Variants in GSAP observed in about 807,000 individuals in gnomAD.
GSAP encodes gamma-secretase-activating protein.
Under a neutral mutation model 131.7 loss-of-function variants are expected in GSAP, and 118 were observed. That is an observed-to-expected ratio of 0.90 (90% CI 0.77 to 1.04). The LOEUF (loss-of-function observed/expected upper bound fraction) is 1.04. Ranked by LOEUF, GSAP falls within the 50% of genes least tolerant of loss-of-function variation. GSAP has a pLI of 0.00. For missense variants in GSAP, 1,019 were observed against 1,013.2 expected (o/e 1.01, Z -0.08); for synonymous variants, 381 against 363.4 (o/e 1.05, Z -0.55).
intron 12 of GSAP, among the ~76,000 whole-genome samples, chr7:77,365,206 C>T (rs1433104460): frequency 6.6e-6 from 1 of 152,124 alleles, no homozygotes; most frequent in African/African-American, 2.4e-5. Flanking sequence ...ACTTTGGCCT[C>T]CCAAAGAGCT....
chr7:77,324,826 CTTTT>C (rs150930764), intron 23 of GSAP, among the ~76,000 whole-genome samples: 16 of 97,312 alleles, frequency 1.6e-4, no homozygotes, highest in Non-Finnish European at 2.7e-4. Flanking sequence ...GTTTGCCATA[CTTTT>C]TTTTTTTTTT....
Position 77,312,184 on chromosome 7 carries a change from A to G in GSAP, c.2290T>C (p.Cys764Arg). The G allele has an allele frequency of 6.3e-7, 1 of 1,596,106 alleles. No individual in the cohort carries two copies. The highest frequency in any genetic ancestry group is 1.1e-5 in the South Asian group (1 of 87,842). ...RLPPLIGQKI[C>R]RLWDHPMSSN... ...CTCATAGGATGATCCCAAAGTCTAC[A>G]AATCTTCTGCCCAATAAGCTATTAT... Residue 764 changes from cysteine to arginine, a missense_variant, in exon 29 of 31, where the codon TGT becomes CGT. Cys to Arg is a radical substitution (Grantham distance 180). Transcript: ENST00000257626.
Position 77,311,848 on chromosome 7 carries a change from G to T in GSAP, c.2466C>A (p.Ser822=). 6.7e-7 allele frequency: 1 copy of T among 1,482,800 alleles called. No individual in the cohort carries two copies. The highest frequency in any genetic ancestry group is 9.4e-7 in the Non-Finnish European group (1 of 1,060,404). 91.9% of individuals were successfully genotyped at this position (1,482,800 alleles called of 1,614,324 possible). A position where few individuals can be genotyped will look rare whatever the true frequency, so the allele number is the denominator to read the frequency against. ...FIEILTDIES[S]NQALYPFEGH... is the part of the protein sequence containing the mutation. ...AACAGGGGAGTAAATTACCTTGATT[G>T]GAGGACTCTATATCTGTCAGAATTT... Residue 822 remains serine (S), a synonymous_variant, in exon 30 of 31, where the codon TCC becomes TCA. Transcript: ENST00000257626.
At chr7:77,337,044 G>C (rs1413057366) in intron 19 of GSAP, among the ~76,000 whole-genome samples, 1 of 152,078 alleles carries the variant, frequency 6.6e-6, no homozygotes. Flanking sequence ...CATTACTTCA[G>C]ACCACTAAAA....
chr7:77,311,677 T>C (rs1794373409), intron 30 of GSAP, 164 bp downstream of exon 30: 2 of 591,536 alleles, frequency 3.4e-6, no homozygotes, highest in Non-Finnish European at 6.0e-6. Context: ...TATTTGGTAA[T>C]TTACTCTAGG....
At chr7:77,337,551 C>G (rs1209201555) in intron 19 of GSAP, among the ~76,000 whole-genome samples, 1 of 152,108 alleles carries the variant, frequency 6.6e-6, no homozygotes, top group Non-Finnish European at 1.5e-5. Context: ...TACTCTTCTC[C>G]CAGTTGCTCA....
At chr7:77,412,087 G>A (rs1026489546) in intron 1 of GSAP, among the ~76,000 whole-genome samples, 18 of 152,228 alleles carry the variant, frequency 1.2e-4, no homozygotes, top group African/African-American at 1.4e-4. Flanking sequence ...GCTGAGGCAG[G>A]AGAATCGCTT....
At chr7:77,386,461 C>G (rs1445324320) in intron 6 of GSAP, among the ~76,000 whole-genome samples, 1 of 152,146 alleles carries the variant, frequency 6.6e-6, no homozygotes. Context: ...TTCTTGGAAG[C>G]CTCTAGTCAC....
chr7:77,379,560 AGT>A (rs1214429877), intron 8 of GSAP, among the ~76,000 whole-genome samples: 10 of 152,016 alleles, frequency 6.6e-5, no homozygotes, highest in Non-Finnish European at 1.5e-4. Context: ...CACTCTTCCC[AGT>A]GTGTGTCTGT....
chr7:77,367,222 TCTAG>T (rs1240008169), intron 12 of GSAP, among the ~76,000 whole-genome samples: 5 of 152,164 alleles, frequency 3.3e-5, no homozygotes, highest in African/African-American at 9.7e-5. Context: ...GCCTGATTGC[TCTAG>T]CTATGACTTC....
chr7:77,321,173 C>CA (rs2150620469), intron 25 of GSAP, among the ~76,000 whole-genome samples, 160 bp downstream of exon 25: 1 of 152,212 alleles, frequency 6.6e-6, no homozygotes, highest in East Asian at 1.9e-4. Context: ...GGTACATATG[C>CA]AGGGGGGCAT....
In GSAP at chr7:77,313,512, G is replaced by T; in HGVS notation, c.2247C>A (p.Phe749Leu). 1 of 1,573,640 alleles carries T rather than the reference G, an allele frequency of 6.4e-7. No homozygotes were observed. The highest frequency in any genetic ancestry group is 8.7e-7 in the Non-Finnish European group (1 of 1,144,314). Residue 749 changes from phenylalanine to leucine, a missense_variant, in exon 28 of 31, where the codon TTC becomes TTA. Physicochemically the swap from Phe to Leu is conservative, Grantham distance 22. Coordinates refer to ENST00000257626, the MANE Select transcript of GSAP (RefSeq NM_017439.4). ...CCGGAGGAAGCCGCACAATGATACT[G>T]AATTTCAGTTTTTCATTTTTCTCTG... ...DNTEKNEKLK[F>L]SIIVRLPPLI...
At chr7:77,348,988 T>C (rs1792341782) in intron 19 of GSAP, among the ~76,000 whole-genome samples, 1 of 151,856 alleles carries the variant, frequency 6.6e-6, no homozygotes, top group Non-Finnish European at 1.5e-5. Context: ...TTTGAGGGAG[T>C]AATAGTGCAA....
rs761853103 is a variant in GSAP at position 77,349,419 on chromosome 7, A to C, written c.1492-15T>G. 7 of 1,605,918 alleles carry C rather than the reference A, an allele frequency of 4.4e-6. No homozygotes were observed. The highest frequency in any genetic ancestry group is 1.7e-4 in the Middle Eastern group (1 of 6,048). On this transcript the variant is annotated splice_polypyrimidine_tract_variant and intron_variant, in intron 18 of 30. Transcript: ENST00000257626. Reference sequence around the variant, plus strand: ...CCAGGAATTTCCTATAGTGGGGAAAAACACACACACACAGCTGCTCAGTGT... The same window carrying C: ...CCAGGAATTTCCTATAGTGGGGAAACACACACACACACAGCTGCTCAGTGT...
At chr7:77,353,279 C>T (rs1016394327) in intron 17 of GSAP, among the ~76,000 whole-genome samples, 1 of 151,876 alleles carries the variant, frequency 6.6e-6, no homozygotes, top group Admixed American at 6.6e-5. Flanking sequence ...CCAGCCAACA[C>T]AAAACTGGGC....
In GSAP at chr7:77,320,826, A is replaced by G; in HGVS notation, c.1995-7T>C. ...AGCACTGCCACGACTATTGCTGGGTAAAAAAAACAAAGCAGCATGTCAGCC... is the reference window on the plus strand; with the variant it reads ...AGCACTGCCACGACTATTGCTGGGTGAAAAAAACAAAGCAGCATGTCAGCC... On this transcript the variant is annotated splice_region_variant and splice_polypyrimidine_tract_variant and intron_variant, in intron 25 of 30. Coordinates refer to ENST00000257626, the MANE Select transcript of GSAP (RefSeq NM_017439.4). 2 of 1,560,774 alleles carry G rather than the reference A, an allele frequency of 1.3e-6. No individual in the cohort carries two copies. Among genetic ancestry groups the G allele is most frequent in the Non-Finnish European group, 1.8e-6 (2 of 1,131,998 alleles).
intron 12 of GSAP, among the ~76,000 whole-genome samples, chr7:77,371,862 G>A (rs892210831): frequency 2.0e-5 from 3 of 152,198 alleles, no homozygotes; most frequent in African/African-American, 7.2e-5. Context: ...GTGAAAAGCT[G>A]AGAATAGAAT....
chr7:77,397,068 T>C (rs1563115042), intron 4 of GSAP, 33 bp from the exon 5 acceptor site: 1 of 1,388,310 alleles, frequency 7.2e-7, no homozygotes, highest in Non-Finnish European at 1.0e-6. Flanking sequence ...CCATTAGCAA[T>C]TGATCCATAT....
intron 24 of GSAP, among the ~76,000 whole-genome samples, chr7:77,322,843 T>C (rs934588204): frequency 1.3e-5 from 2 of 152,086 alleles, no homozygotes; most frequent in Non-Finnish European, 2.9e-5. Context: ...GGCAGAAAAC[T>C]TGAAAATTAA....
Sources: allele counts gnomAD v4.1 joint callset (sites outside exome capture counted in the v4.1 genomes callset), GRCh38; gene constraint gnomAD v4.1.1; transcripts MANE v1.5; gene names NCBI Gene and HGNC (gene_info 2026-07-23, HGNC 2026-07-21).